ATP2B2: variants seen among roughly 807,000 people sequenced by gnomAD.
The protein encoded by ATP2B2 is plasma membrane calcium-transporting ATPase 2.
ATP2B2 carries 15 observed loss-of-function variants against 120.0 expected under a neutral mutation model. The observed-to-expected ratio is 0.12, with a 90% confidence interval of 0.08 to 0.19. ATP2B2 has a LOEUF of 0.19. ATP2B2 is among the 10% of genes least tolerant of loss of function. The pLI is 1.00. For synonymous variants in ATP2B2, 694 were observed against 700.3 expected (o/e 0.99, Z 0.14); for missense variants, 1,045 against 1,719.8 (o/e 0.61, Z 6.94).
At chr3:10,600,190 C>G (rs1012291969) in intron 2 of ATP2B2, among the ~76,000 whole-genome samples, 12 of 152,240 alleles carry the variant, frequency 7.9e-5, no homozygotes, top group Non-Finnish European at 1.2e-4. Context: ...TGTGTAAAAT[C>G]AGAAAATATC....
At chr3:10,529,433 A>G (rs1049052767) in intron 3 of ATP2B2, among the ~76,000 whole-genome samples, 3 of 152,188 alleles carry the variant, frequency 2.0e-5, no homozygotes, top group African/African-American at 7.2e-5. Flanking sequence ...GCTCAGCTTC[A>G]AACTTACAGG....
chr3:10,350,040 G>A, intron 16 of ATP2B2, 72 bp downstream of exon 16: 1 of 1,479,052 alleles, frequency 6.8e-7, no homozygotes, highest in Non-Finnish European at 9.4e-7. Flanking sequence ...AGCTGCAAGT[G>A]CCAGGAGAGG....
At chr3:10,479,774 G>A (rs1440709035) in intron 1 of ATP2B2, among the ~76,000 whole-genome samples, 1 of 152,132 alleles carries the variant, frequency 6.6e-6, no homozygotes, top group South Asian at 2.1e-4. Flanking sequence ...GAGAGAGAGG[G>A]AGGAAAGGCT....
chr3:10,566,538 C>A (rs776591312), intron 2 of ATP2B2: 1 of 152,202 alleles, frequency 6.6e-6, no homozygotes, highest in Non-Finnish European at 1.5e-5. Flanking sequence ...TCCAGTGTGA[C>A]TATAATGAGA....
In ATP2B2 at chr3:10,350,442, C is replaced by T. The variant is rs759078548; in HGVS notation, c.2272G>A (p.Glu758Lys). ...IHPGEDFLCL[E>K]GKEFNRRIRN... ...ATCCTCCTGTTGAACTCCTTGCCCT[C>T]GAGGCACAGAAAGTCCTCCCCAGGA... Residue 758 changes from glutamate to lysine, a missense_variant, in exon 15 of 23, where the codon GAG becomes AAG. This residue lies in a region of ATP2B2 where 343 missense variants were observed against 536.8 expected (regional missense o/e 0.64). Coordinates refer to ENST00000360273, the MANE Select transcript of ATP2B2 (RefSeq NM_001001331.4). The T allele has an allele frequency of 7.4e-6, 12 of 1,614,094 alleles. No homozygotes were observed. Among genetic ancestry groups the T allele is most frequent in the Non-Finnish European group, 7.6e-6 (9 of 1,180,050 alleles).
intron 1 of ATP2B2, among the ~76,000 whole-genome samples, chr3:10,685,883 C>A (rs569856285): frequency 2.0e-5 from 3 of 152,288 alleles, no homozygotes; most frequent in South Asian, 2.1e-4. Flanking sequence ...AACTAAATTT[C>A]TTTTTACGTG....
At chr3:10,351,292 C>T (rs781193391) in intron 14 of ATP2B2, among the ~76,000 whole-genome samples, 21 of 152,144 alleles carry the variant, frequency 1.4e-4, no homozygotes, top group Non-Finnish European at 2.5e-4. Flanking sequence ...TGAGGGTTTC[C>T]CCGAGGAAAC....
At chr3:10,536,812 G>A (rs1039222990) in intron 2 of ATP2B2, among the ~76,000 whole-genome samples, 1 of 152,202 alleles carries the variant, frequency 6.6e-6, no homozygotes, top group Non-Finnish European at 1.5e-5. Flanking sequence ...ACAGGCCTGA[G>A]CCACCACACC....
At chr3:10,701,275 T>C (rs2071813523) in intron 1 of ATP2B2, among the ~76,000 whole-genome samples, 1 of 152,244 alleles carries the variant, frequency 6.6e-6, no homozygotes, top group Admixed American at 6.5e-5. Context: ...AAGCCTCTTA[T>C]ATCCCACCTA....
intron 14 of ATP2B2, 60 bp downstream of exon 14, chr3:10,358,631 C>A: frequency 6.4e-7 from 1 of 1,554,038 alleles, no homozygotes. Context: ...CCAGGTCACC[C>A]TGGTGGCTGG....
intron 8 of ATP2B2, among the ~76,000 whole-genome samples, chr3:10,380,505 AG>A (rs2061502832): frequency 6.6e-6 from 1 of 152,218 alleles, no homozygotes; most frequent in Admixed American, 6.5e-5. Flanking sequence ...TCACCTATGA[AG>A]GGTGTGCTTG....
chr3:10,363,719 A>G (rs930240708), intron 12 of ATP2B2, among the ~76,000 whole-genome samples: 1 of 152,194 alleles, frequency 6.6e-6, no homozygotes, highest in Non-Finnish European at 1.5e-5. Context: ...AAAAAAAAAG[A>G]AACAAAAAAT....
At chr3:10,567,014 C>A (rs941126534) in intron 2 of ATP2B2, among the ~76,000 whole-genome samples, 1 of 152,180 alleles carries the variant, frequency 6.6e-6, no homozygotes, top group African/African-American at 2.4e-5. Context: ...GGGGCCCATG[C>A]TTGGTTCTTG....
At chr3:10,533,042 G>A (rs1303934168) in intron 3 of ATP2B2, among the ~76,000 whole-genome samples, 1 of 152,214 alleles carries the variant, frequency 6.6e-6, no homozygotes, top group Non-Finnish European at 1.5e-5. Flanking sequence ...TGTGTCTGAT[G>A]CTGAAAGATG....
intron 22 of ATP2B2, among the ~76,000 whole-genome samples, chr3:10,337,512 C>CG (rs199989868): frequency 1 from 152,028 of 152,124 alleles, 75,966 homozygotes; most frequent in Middle Eastern, 1. Context: ...GTGGGGGGGT[C>CG]GGGGGAGGCG....
intron 1 of ATP2B2, among the ~76,000 whole-genome samples, chr3:10,678,790 C>T (rs1451290061): frequency 6.6e-6 from 1 of 152,200 alleles, no homozygotes; most frequent in African/African-American, 2.4e-5. Context: ...AATCATCCCC[C>T]AGATTCCCAG....
At chr3:10,697,018 G>C (rs1295827248) in intron 1 of ATP2B2, among the ~76,000 whole-genome samples, 1 of 152,154 alleles carries the variant, frequency 6.6e-6, no homozygotes, top group Non-Finnish European at 1.5e-5. Context: ...GGAAAATTGA[G>C]GTACAGGGAA....
chr3:10,341,372 G>C (rs1438126480), intron 19 of ATP2B2, among the ~76,000 whole-genome samples: 1 of 152,126 alleles, frequency 6.6e-6, no homozygotes, highest in South Asian at 2.1e-4. Context: ...GGACAGTGGC[G>C]TGATCTCAGC....
At chr3:10,367,038 C>A (rs999577600) in intron 12 of ATP2B2, among the ~76,000 whole-genome samples, 1 of 152,234 alleles carries the variant, frequency 6.6e-6, no homozygotes, top group Non-Finnish European at 1.5e-5. Context: ...CCTCAGCCCT[C>A]ACACCACCCT....
Sources: allele counts gnomAD v4.1 joint callset (sites outside exome capture counted in the v4.1 genomes callset), GRCh38; gene constraint gnomAD v4.1.1; regional missense constraint gnomAD v4.1.1; transcripts MANE v1.5; gene names NCBI Gene and HGNC (gene_info 2026-07-23, HGNC 2026-07-21).